WWOX: variants seen among roughly 807,000 people sequenced by gnomAD.
WWOX encodes the protein WW domain containing oxidoreductase.
A neutral mutation model predicts 46.2 loss-of-function variants in WWOX; 69 were observed. The ratio of observed to expected loss-of-function variants is 1.49; its 90% CI spans 1.23 to 1.82. The LOEUF (loss-of-function observed/expected upper bound fraction) is 1.82, where lower values mean the gene tolerates loss of function less well. Ranked by LOEUF, WWOX falls within the 40% of genes most tolerant of loss-of-function variation. The probability of loss-of-function intolerance (pLI) is 0.00; values close to 1 mark genes in which losing one functional copy is unlikely to be tolerated. For missense variants in WWOX, 919 were observed against 542.6 expected, an observed-to-expected ratio of 1.69 and a Z score of -6.89; for synonymous variants, 359 against 202.6, an observed-to-expected ratio of 1.77 and a Z score of -6.56.
chr16:78,736,702 A>G (rs1490082770), intron 8 of WWOX, among the ~76,000 whole-genome samples: 3 of 152,028 alleles, frequency 2.0e-5, no homozygotes, highest in Non-Finnish European at 4.4e-5. Flanking sequence ...GGCTGAAGTG[A>G]TCCTCCCACC....
At chr16:78,704,496 G>A (rs1310307044) in intron 8 of WWOX, among the ~76,000 whole-genome samples, 2 of 152,054 alleles carry the variant, frequency 1.3e-5, no homozygotes, top group Non-Finnish European at 2.9e-5. Flanking sequence ...AGGCACTGAC[G>A]GGCTGACATG....
chr16:79,092,073 A>C (rs376923583), intron 8 of WWOX, among the ~76,000 whole-genome samples: 1 of 151,654 alleles, frequency 6.6e-6, no homozygotes, highest in East Asian at 1.9e-4. Flanking sequence ...GAGCCACCGC[A>C]CCGGGCCTCA....
chr16:78,657,888 G>A (rs545780394), intron 8 of WWOX, among the ~76,000 whole-genome samples: 2 of 151,972 alleles, frequency 1.3e-5, no homozygotes, highest in East Asian at 1.9e-4. Flanking sequence ...AGAGCCTGGC[G>A]GTGATTGTTC....
intron 8 of WWOX, among the ~76,000 whole-genome samples, chr16:78,925,774 G>A (rs941690388): frequency 2.6e-5 from 4 of 152,118 alleles, no homozygotes; most frequent in Non-Finnish European, 2.9e-5. Flanking sequence ...GTTCTTGCAG[G>A]GTGAGGCTTT....
chr16:78,982,657 C>T (rs772279769), intron 8 of WWOX, among the ~76,000 whole-genome samples: 25 of 152,140 alleles, frequency 1.6e-4, no homozygotes, highest in Non-Finnish European at 3.2e-4. Context: ...ATTTCTGGTG[C>T]AGGAGGACTG....
chr16:78,249,592 C>T (rs2037924806), intron 5 of WWOX, among the ~76,000 whole-genome samples: 1 of 152,190 alleles, frequency 6.6e-6, no homozygotes, highest in Non-Finnish European at 1.5e-5. Flanking sequence ...TTTCAGCATG[C>T]AGGTGAGAAG....
intron 5 of WWOX, among the ~76,000 whole-genome samples, chr16:78,354,067 C>G (rs1054747537): frequency 6.6e-6 from 1 of 152,126 alleles, no homozygotes. Context: ...TTGTTTGCAC[C>G]TTTTAATTCC....
At chr16:78,233,008 A>G (rs544084093) in intron 5 of WWOX, among the ~76,000 whole-genome samples, 1 of 152,232 alleles carries the variant, frequency 6.6e-6, no homozygotes, top group South Asian at 2.1e-4. Flanking sequence ...TGCCCAGCTA[A>G]TTTGTAATTG....
At chr16:78,642,163 C>A (rs1450305210) in intron 8 of WWOX, among the ~76,000 whole-genome samples, 7 of 152,140 alleles carry the variant, frequency 4.6e-5, no homozygotes. Context: ...TTTATATATA[C>A]TTGAATTGGA....
At chr16:78,981,053 G>A (rs887979330) in intron 8 of WWOX, among the ~76,000 whole-genome samples, 1 of 152,204 alleles carries the variant, frequency 6.6e-6, no homozygotes, top group East Asian at 1.9e-4. Flanking sequence ...ATGTCATGCA[G>A]TCATACTTTG....
intron 8 of WWOX, among the ~76,000 whole-genome samples, chr16:78,477,955 G>A (rs1239810731): frequency 6.6e-6 from 1 of 152,082 alleles, no homozygotes; most frequent in South Asian, 2.1e-4. Context: ...AGAATTACCA[G>A]GGGAAAGAAA....
Position 78,542,144 on chromosome 16 carries a change from C to G in WWOX, c.1056+109392C>G, listed in dbSNP as rs752012094. 7.7e-4 allele frequency among the ~76,000 whole-genome samples: 115 copies of G among 149,592 alleles called. 1 individual carries two copies. Among genetic ancestry groups the G allele is most frequent in the Middle Eastern group, 3.4e-3 (1 of 290 alleles). ...GAAACCTCCCAAATTTCTATCGACA[C>G]TAGACATCTCAGGATTTGAAATGTT... On this transcript the variant is annotated intron_variant, in intron 8 of 8. Coordinates refer to ENST00000566780, the MANE Select transcript of WWOX (RefSeq NM_016373.4).
chr16:79,156,342 G>A (rs2150741416), intron 8 of WWOX, among the ~76,000 whole-genome samples: 1 of 152,288 alleles, frequency 6.6e-6, no homozygotes, highest in South Asian at 2.1e-4. Flanking sequence ...TGTGCATTTT[G>A]TAGAGATGGG....
At chr16:78,186,137 T>A (rs1054959332) in intron 5 of WWOX, among the ~76,000 whole-genome samples, 1 of 152,128 alleles carries the variant, frequency 6.6e-6, no homozygotes, top group African/African-American at 2.4e-5. Context: ...TATAAAAAAA[T>A]CTTAATTAAC....
intron 8 of WWOX, among the ~76,000 whole-genome samples, chr16:78,748,486 C>G (rs1230196652): frequency 6.6e-6 from 1 of 152,156 alleles, no homozygotes; most frequent in Non-Finnish European, 1.5e-5. Flanking sequence ...TAAAGTTCAC[C>G]TTTCGGCTCC....
At chr16:78,909,575 C>G (rs2045055839) in intron 8 of WWOX, among the ~76,000 whole-genome samples, 1 of 152,134 alleles carries the variant, frequency 6.6e-6, no homozygotes, top group Non-Finnish European at 1.5e-5. Flanking sequence ...GTGAGTGAAA[C>G]CCATCATTTG....
intron 8 of WWOX, among the ~76,000 whole-genome samples, chr16:78,743,210 A>C (rs1035948596): frequency 1.3e-5 from 2 of 152,144 alleles, no homozygotes; most frequent in Admixed American, 6.5e-5. Flanking sequence ...CTCTTTCTGC[A>C]CTGGAGAGCA....
At chr16:78,392,051 G>T (rs929611787) in intron 6 of WWOX, among the ~76,000 whole-genome samples, 1 of 151,618 alleles carries the variant, frequency 6.6e-6, no homozygotes, top group Non-Finnish European at 1.5e-5. Flanking sequence ...TAAGGGACCA[G>T]GGTGTTCTCT....
chr16:78,432,853 TCAGTAATAACATTGTC>T, intron 8 of WWOX, 101 bp downstream of exon 8: 1 of 1,561,832 alleles, frequency 6.4e-7, no homozygotes, highest in South Asian at 1.1e-5. Context: ...GAGTCTGGTC[TCAGTAATAACATTGTC>T]CAGCCCATCA....
Sources: gnomAD v4.1 joint callset for allele counts (sites outside exome capture counted in the v4.1 genomes callset) on GRCh38, gnomAD v4.1.1 for gene constraint, MANE v1.5 for transcripts, NCBI Gene and HGNC (gene_info 2026-07-23, HGNC 2026-07-21) for gene names.